The following RBMS2 variants were observed in gnomAD, a reference collection of about 807,000 sequenced individuals.
The protein encoded by RBMS2 is RNA-binding motif, single-stranded-interacting protein 2.
A neutral mutation model predicts 58.4 loss-of-function variants in RBMS2; 38 were observed. That is an observed-to-expected ratio of 0.65 (90% confidence interval 0.50 to 0.85). The LOEUF (loss-of-function observed/expected upper bound fraction) is 0.85, where lower values mean the gene tolerates loss of function less well. Ranked by LOEUF, RBMS2 falls within the 40% of genes least tolerant of loss-of-function variation. The probability of loss-of-function intolerance (pLI) is 0.00; values close to 1 mark genes in which losing one functional copy is unlikely to be tolerated. For missense variants in RBMS2, 367 were observed against 503.7 expected, an observed-to-expected ratio of 0.73 and a Z score of 2.60; for synonymous variants, 151 against 180.7, an observed-to-expected ratio of 0.84 and a Z score of 1.32.
chr12:56,579,860 AG>A (rs1487786688), intron 5 of RBMS2, among the ~76,000 whole-genome samples: 2 of 152,138 alleles, frequency 1.3e-5, no homozygotes, highest in African/African-American at 4.8e-5. Flanking sequence ...ACCATGTGGT[AG>A]GGTAGATGGA....
chr12:56,547,894 C>T (rs1189353575), intron 1 of RBMS2, among the ~76,000 whole-genome samples: 2 of 151,594 alleles, frequency 1.3e-5, no homozygotes, highest in East Asian at 3.9e-4. Flanking sequence ...TCAGGTGATC[C>T]ACCCACCTTG....
intron 1 of RBMS2, among the ~76,000 whole-genome samples, chr12:56,542,520 C>G (rs991961040): frequency 7.1e-6 from 1 of 141,770 alleles, no homozygotes; most frequent in East Asian, 2.1e-4. Context: ...ATTGACTGTC[C>G]CTGTGTTTCC....
chr12:56,531,094 C>T (rs1036994345), intron 1 of RBMS2, among the ~76,000 whole-genome samples: 1 of 152,086 alleles, frequency 6.6e-6, no homozygotes, highest in Non-Finnish European at 1.5e-5. Flanking sequence ...TTTCTGAACC[C>T]CCATAATGTT....
chr12:56,536,325 T>A (rs1456700676), intron 1 of RBMS2, among the ~76,000 whole-genome samples: 1 of 151,894 alleles, frequency 6.6e-6, no homozygotes, highest in African/African-American at 2.4e-5. Flanking sequence ...GGTTTCACCA[T>A]GTTACCCAGG....
At chr12:56,577,166 G>A (rs1191803906) in intron 5 of RBMS2, among the ~76,000 whole-genome samples, 1 of 151,972 alleles carries the variant, frequency 6.6e-6, no homozygotes, top group East Asian at 1.9e-4. Flanking sequence ...CACTTTGGGA[G>A]GCCAAGGTGG....
rs893593320 is a variant in RBMS2, at chr12:56,591,460, C to A, written c.*2327C>A. ...CAGTCTTCTAATTGATGCTTCCAAA[C>A]TCAGGAAGGGCTTATCCAGTGTAAA... On this transcript the variant is annotated 3_prime_UTR_variant, in exon 14 of 14. Coordinates refer to ENST00000262031, the MANE Select transcript of RBMS2 (RefSeq NM_002898.4). The A allele has an allele frequency of 6.6e-6, 1 of 152,176 alleles. No homozygotes were observed. The highest frequency in any genetic ancestry group is 1.5e-5 in the Non-Finnish European group (1 of 68,062). 9.4% of individuals were successfully genotyped at this position (152,176 alleles called of 1,614,324 possible).
intron 2 of RBMS2, among the ~76,000 whole-genome samples, chr12:56,567,763 C>G (rs575026058): frequency 4.0e-5 from 6 of 150,898 alleles, no homozygotes; most frequent in African/African-American, 1.5e-4. Context: ...CCCAGGAGTT[C>G]GAGGCTGCAG....
chr12:56,557,841 C>T (rs1285922268), intron 1 of RBMS2, among the ~76,000 whole-genome samples: 1 of 149,610 alleles, frequency 6.7e-6, no homozygotes, highest in East Asian at 2.0e-4. Context: ...CAGGTTCAAG[C>T]GATTCTCCTG....
At position 56,595,497 on chromosome 12, in the gene RBMS2, C is replaced by T. The variant is rs1377400586; in HGVS notation, c.*6364C>T. On this transcript the variant is annotated 3_prime_UTR_variant, in exon 14 of 14. Transcript: ENST00000262031. Reference sequence around the variant, plus strand: ...TGCCACCATTCTAAAACTTACACTCCTTTTCTACCCCTGGTCTTTTCCTTG... The same window carrying T: ...TGCCACCATTCTAAAACTTACACTCTTTTTCTACCCCTGGTCTTTTCCTTG... 1 of 152,102 alleles carries T rather than the reference C, an allele frequency of 6.6e-6. No individual in the cohort carries two copies. Among genetic ancestry groups the T allele is most frequent in the Non-Finnish European group, 1.5e-5 (1 of 68,026 alleles). The allele number at this position is 152,102 out of a possible 1,614,324, so 9.4% of individuals were successfully genotyped here.
intron 1 of RBMS2, 65 bp from the exon 2 acceptor site, chr12:56,562,352 A>G: frequency 6.2e-6 from 9 of 1,446,830 alleles, no homozygotes; most frequent in Non-Finnish European, 8.6e-6. Flanking sequence ...GAGGTCCAGG[A>G]TCTTCCTCAC....
At chr12:56,538,941 G>T (rs185193392) in intron 1 of RBMS2, among the ~76,000 whole-genome samples, 20 of 151,528 alleles carry the variant, frequency 1.3e-4, no homozygotes, top group Non-Finnish European at 2.8e-4. Context: ...ATTATTTTTG[G>T]TGCTATTAGA....
chr12:56,581,108 C>A, intron 5 of RBMS2, 76 bp from the exon 6 acceptor site: 1 of 1,249,014 alleles, frequency 8.0e-7, no homozygotes, highest in African/African-American at 1.5e-5. Context: ...GAACTTAGAG[C>A]TTTGCTTTCT....
intron 5 of RBMS2, among the ~76,000 whole-genome samples, chr12:56,579,904 C>T (rs1226745600): frequency 1.3e-5 from 2 of 151,994 alleles, no homozygotes; most frequent in African/African-American, 4.8e-5. Context: ...AGGAGTAGAT[C>T]AGAGGGGTTT....
At chr12:56,527,197 T>C (rs769721627) in intron 1 of RBMS2, among the ~76,000 whole-genome samples, 2 of 152,206 alleles carry the variant, frequency 1.3e-5, no homozygotes, top group Non-Finnish European at 2.9e-5. Flanking sequence ...TTTACTACTT[T>C]TCCTTCTAGT....
chr12:56,529,741 C>T (rs896261582), intron 1 of RBMS2, among the ~76,000 whole-genome samples: 5 of 152,142 alleles, frequency 3.3e-5, no homozygotes, highest in Non-Finnish European at 7.3e-5. Flanking sequence ...TGGGAAATGC[C>T]CAGAATACGG....
rs1882369244 is a variant in RBMS2, at chr12:56,571,997, G to A, written c.542+142G>A. 3.0e-6 allele frequency: 3 copies of A among 994,580 alleles called. No homozygotes were observed. The South Asian group carries it at 7.9e-5, about 26-fold the overall frequency. 61.6% of individuals were successfully genotyped at this position (994,580 alleles called of 1,614,324 possible). ...AAAAATACTTGATGGTAAGTCAAAA[G>A]TTCATTTTAGGCCAGGTGCGGTGGC... On this transcript the variant is annotated intron_variant, in intron 5 of 13. Coordinates refer to ENST00000262031, the MANE Select transcript of RBMS2 (RefSeq NM_002898.4).
At chr12:56,572,161 T>C (rs934999471) in intron 5 of RBMS2, among the ~76,000 whole-genome samples, 20 of 151,488 alleles carry the variant, frequency 1.3e-4, no homozygotes, top group African/African-American at 4.8e-4. Flanking sequence ...TGGTGGCGCA[T>C]GCCTGTAATC....
intron 5 of RBMS2, among the ~76,000 whole-genome samples, chr12:56,576,587 C>A (rs1883163345): frequency 6.6e-6 from 1 of 152,008 alleles, no homozygotes; most frequent in Admixed American, 6.6e-5. Flanking sequence ...TTCTTATATT[C>A]CTTTTTTCTT....
rs994624058 is a variant in RBMS2 at position 56,591,652 on chromosome 12, G to A, written c.*2519G>A. On this transcript the variant is annotated 3_prime_UTR_variant, in exon 14 of 14. Transcript: ENST00000262031. ...TAGAATTCTGTTCATCTGATAGACC[G>A]GGGGAGCTTTGCTATGGTAGGAGGT... 5 of 152,080 alleles carry A rather than the reference G, an allele frequency of 3.3e-5. No individual in the cohort carries two copies. The highest frequency in any genetic ancestry group is 1.2e-4 in the African/African-American group (5 of 41,396). The allele number at this position is 152,080 out of a possible 1,614,324, so 9.4% of individuals were successfully genotyped here.
Sources: allele counts gnomAD v4.1 joint callset (sites outside exome capture counted in the v4.1 genomes callset), GRCh38; gene constraint gnomAD v4.1.1; transcripts MANE v1.5; gene names NCBI Gene and HGNC (gene_info 2026-07-23, HGNC 2026-07-21).